Variants in FBXW8 observed in about 807,000 individuals in gnomAD.
FBXW8 encodes the protein F-box/WD repeat-containing protein 8.
Under a neutral mutation model 65.3 loss-of-function variants are expected in FBXW8, and 57 were observed. The observed-to-expected ratio is 0.87, with a 90% CI of 0.71 to 1.09. The LOEUF is 1.09. Ranked by LOEUF, FBXW8 falls within the 50% of genes least tolerant of loss-of-function variation. The pLI is 0.00. For synonymous variants in FBXW8, 308 were observed against 330.2 expected (o/e 0.93, Z 0.73); for missense variants, 777 against 814.8 (o/e 0.95, Z 0.57).
chr12:116,925,409 T>C (rs1185992794), intron 1 of FBXW8, among the ~76,000 whole-genome samples: 2 of 152,178 alleles, frequency 1.3e-5, no homozygotes, highest in Non-Finnish European at 2.9e-5. Flanking sequence ...CAAGGACCAT[T>C]GATAGAATAT....
At chr12:116,954,050 G>T (rs1488519051) in intron 4 of FBXW8, among the ~76,000 whole-genome samples, 2 of 149,232 alleles carry the variant, frequency 1.3e-5, no homozygotes, top group South Asian at 2.1e-4. Context: ...GGAGGCAGAG[G>T]TTGCAGTGAG....
intron 8 of FBXW8, among the ~76,000 whole-genome samples, chr12:117,018,504 C>T (rs916021075): frequency 1.2e-4 from 18 of 152,194 alleles, no homozygotes; most frequent in East Asian, 1.9e-4. Flanking sequence ...GCCTGTGCTG[C>T]GCGCTGTCAG....
chr12:116,940,838 T>C (rs1012822854), intron 2 of FBXW8, among the ~76,000 whole-genome samples: 1 of 152,138 alleles, frequency 6.6e-6, no homozygotes, highest in Non-Finnish European at 1.5e-5. Context: ...CAGCCCATAT[T>C]TGAGGTGTTA....
At chr12:117,020,070 T>A (rs1466779211) in intron 8 of FBXW8, among the ~76,000 whole-genome samples, 1 of 152,100 alleles carries the variant, frequency 6.6e-6, no homozygotes, top group Non-Finnish European at 1.5e-5. Flanking sequence ...TAAATGCATG[T>A]CCCCCAGCAC....
intron 7 of FBXW8, among the ~76,000 whole-genome samples, chr12:116,989,223 G>A (rs1953177654): frequency 6.6e-6 from 1 of 152,182 alleles, no homozygotes; most frequent in South Asian, 2.1e-4. Context: ...TCCATAATGT[G>A]CCTTGGAGAG....
intron 1 of FBXW8, among the ~76,000 whole-genome samples, chr12:116,919,342 T>C (rs1444845778): frequency 6.6e-6 from 1 of 152,116 alleles, no homozygotes; most frequent in Non-Finnish European, 1.5e-5. Context: ...CAGACCTGAG[T>C]TCAGATTCTG....
chr12:117,014,858 G>T (rs1442464074), intron 8 of FBXW8, among the ~76,000 whole-genome samples: 1 of 152,234 alleles, frequency 6.6e-6, no homozygotes. Context: ...AGTATTATGG[G>T]ATCCCTTTCT....
At chr12:116,966,673 T>G (rs2137395076) in intron 5 of FBXW8, among the ~76,000 whole-genome samples, 1 of 152,310 alleles carries the variant, frequency 6.6e-6, no homozygotes, top group East Asian at 1.9e-4. Context: ...CATCCCCTGT[T>G]GTTGCACAGA....
intron 5 of FBXW8, among the ~76,000 whole-genome samples, chr12:116,966,576 A>G (rs1305285016): frequency 1.3e-5 from 2 of 152,182 alleles, no homozygotes; most frequent in African/African-American, 2.4e-5. Flanking sequence ...CATGTCTCAC[A>G]TCTCGTGAGC....
intron 4 of FBXW8, among the ~76,000 whole-genome samples, chr12:116,959,230 A>G (rs750798210): frequency 6.6e-6 from 1 of 152,138 alleles, no homozygotes; most frequent in Non-Finnish European, 1.5e-5. Flanking sequence ...GGTCGAATTG[A>G]TGGGTTAGGG....
chr12:116,995,624 GGTTTTT>G (rs1410884421), intron 7 of FBXW8, among the ~76,000 whole-genome samples: 159 of 152,268 alleles, frequency 1.0e-3, no homozygotes, highest in Non-Finnish European at 1.8e-3. Context: ...GCTGCTTGAT[GGTTTTT>G]TACTTTTGGA....
At chr12:117,003,346 T>C (rs188895505) in intron 7 of FBXW8, among the ~76,000 whole-genome samples, 7 of 152,344 alleles carry the variant, frequency 4.6e-5, no homozygotes, top group South Asian at 2.1e-4. Flanking sequence ...TTCTGTTCCT[T>C]CCAGACAGTG....
At position 117,024,175 on chromosome 12, in the gene FBXW8, A is replaced by T. The variant is rs562344927; in HGVS notation, c.1396A>T (p.Asn466Tyr). 7 of 1,614,136 alleles carry T rather than the reference A, an allele frequency of 4.3e-6. No homozygotes were observed. In the East Asian group the frequency reaches 6.7e-5, roughly 15 times the overall value. ...GAGGATCCACGACCTCCGCAGTGGTAACATCGCCCTGTCGCTCTCCGCCCA... is the reference window on the plus strand; with the variant it reads ...GAGGATCCACGACCTCCGCAGTGGTTACATCGCCCTGTCGCTCTCCGCCCA... ...RVRIHDLRSG[N>Y]IALSLSAHQL... The change falls in exon 9 of 11, where the codon AAC (asparagine) becomes TAC (tyrosine). Residue 466 changes from asparagine (N) to tyrosine (Y), a missense_variant. Asn to Tyr is a moderately radical substitution (Grantham distance 143). Coordinates refer to ENST00000652555, the MANE Select transcript of FBXW8 (RefSeq NM_153348.3).
At chr12:116,984,844 G>C (rs562485075) in intron 5 of FBXW8, among the ~76,000 whole-genome samples, 114 of 152,266 alleles carry the variant, frequency 7.5e-4, no homozygotes, top group African/African-American at 2.5e-3. Context: ...TTAAAAATTA[G>C]CTGGGTATGG....
chr12:117,027,372 G>A, intron 9 of FBXW8, 22 bp from the exon 10 acceptor site: 2 of 1,606,402 alleles, frequency 1.2e-6, no homozygotes, highest in South Asian at 1.1e-5. Context: ...CCCCTTACGA[G>A]CTCTCTCCCA....
intron 6 of FBXW8, 152 bp downstream of exon 6, chr12:116,985,554 T>A: frequency 1.4e-6 from 1 of 713,354 alleles, no homozygotes; most frequent in Non-Finnish European, 2.3e-6. Context: ...ACAAAATAGG[T>A]AGTAGCATTT....
At chr12:117,010,281 T>C in intron 7 of FBXW8, 42 bp from the exon 8 acceptor site, 1 of 1,613,600 alleles carries the variant, frequency 6.2e-7, no homozygotes, top group Admixed American at 1.7e-5. Flanking sequence ...GTCGGCCTGG[T>C]GTGTGGAATT....
intron 5 of FBXW8, among the ~76,000 whole-genome samples, chr12:116,968,360 C>A (rs975827758): frequency 6.6e-6 from 1 of 151,908 alleles, no homozygotes. Context: ...TTCTTATTGC[C>A]CCCTTTTTAA....
chr12:116,958,840 TG>T (rs1883812136), intron 4 of FBXW8, among the ~76,000 whole-genome samples: 1 of 152,246 alleles, frequency 6.6e-6, no homozygotes, highest in African/African-American at 2.4e-5. Context: ...AACTCATTAC[TG>T]CATTTGTTTT....
Sources: allele counts gnomAD v4.1 joint callset (sites outside exome capture counted in the v4.1 genomes callset), GRCh38; gene constraint gnomAD v4.1.1; transcripts MANE v1.5; gene names NCBI Gene and HGNC (gene_info 2026-07-23, HGNC 2026-07-21).